The following TEX11 variants were observed in gnomAD, a reference collection of about 807,000 sequenced individuals.
TEX11 encodes the protein testis-expressed protein 11.
A neutral mutation model predicts 84.4 loss-of-function variants in TEX11; 7 were observed. The observed-to-expected ratio is 0.08, with a 90% confidence interval of 0.05 to 0.16. TEX11 has a LOEUF of 0.16. Among genes scored for constraint, TEX11 ranks in the 10% least tolerant of loss-of-function variants. TEX11 has a pLI of 1.00. For missense variants in TEX11, 551 were observed against 660.5 expected, an observed-to-expected ratio of 0.83 and a Z score of 1.82; for synonymous variants, 264 against 222.8, an observed-to-expected ratio of 1.18 and a Z score of -1.64.
intron 9 of TEX11, among the ~76,000 whole-genome samples, chrX:70,782,418 C>A (rs923776393): frequency 2.7e-5 from 3 of 110,131 alleles, no homozygotes; most frequent in Non-Finnish European, 5.7e-5. Context: ...AATTAACGGG[C>A]AAACTAACCA....
intron 17 of TEX11, among the ~76,000 whole-genome samples, chrX:70,650,101 A>G (rs957996097): frequency 9.8e-5 from 11 of 111,933 alleles, no homozygotes; most frequent in Admixed American, 6.7e-4. Context: ...AGACAAAACT[A>G]TAGAGATAGA....
intron 17 of TEX11, among the ~76,000 whole-genome samples, chrX:70,646,532 A>G (rs1407620047): frequency 8.9e-6 from 1 of 112,355 alleles, no homozygotes; most frequent in Admixed American, 9.4e-5. Context: ...TTCAATAGGA[A>G]GGAAACAAAT....
At chrX:70,885,327 TAG>T (rs1303954997) in intron 2 of TEX11, among the ~76,000 whole-genome samples, 1 of 111,621 alleles carries the variant, frequency 9.0e-6, no homozygotes, top group African/African-American at 3.3e-5. Flanking sequence ...CCCTAATAAA[TAG>T]AGTTATATAA....
At chrX:70,520,586 C>T in the TEX11 span, among the ~76,000 whole-genome samples, 1 of 112,683 alleles carries the variant, frequency 8.9e-6, no homozygotes, top group Admixed American at 9.4e-5. Flanking sequence ...AGTTAGGCTA[C>T]ATGGGGCTCA....
intron 25 of TEX11, among the ~76,000 whole-genome samples, chrX:70,584,208 G>A (rs1446409439): frequency 7.4e-5 from 8 of 107,880 alleles, no homozygotes; most frequent in African/African-American, 1.0e-4. Context: ...GCGTGAACCC[G>A]GGAAGCGGAA....
intron 17 of TEX11, among the ~76,000 whole-genome samples, chrX:70,644,338 T>G (rs1265957509): frequency 2.9e-3 from 309 of 104,781 alleles, no homozygotes; most frequent in African/African-American, 0.01. Context: ...TGTAAACTAG[T>G]TCAACCATTG....
At chrX:70,779,159 G>A (rs185268964) in intron 9 of TEX11, among the ~76,000 whole-genome samples, 104 of 111,481 alleles carry the variant, frequency 9.3e-4, no homozygotes, top group Middle Eastern at 4.6e-3. Flanking sequence ...GCTCACGCCT[G>A]TAATCCCAGC....
intron 2 of TEX11, among the ~76,000 whole-genome samples, chrX:70,897,201 AT>A (rs1191869090): frequency 6.7e-5 from 2 of 29,876 alleles, no homozygotes; most frequent in African/African-American, 1.2e-4. Flanking sequence ...TATGTTATAT[AT>A]TATATATATA....
intron 25 of TEX11, among the ~76,000 whole-genome samples, chrX:70,574,026 C>T (rs776961832): frequency 5.5e-4 from 61 of 111,758 alleles, no homozygotes; most frequent in African/African-American, 1.9e-3. Context: ...TGGAGATAAG[C>T]GAAATTCTTC....
intron 13 of TEX11, among the ~76,000 whole-genome samples, chrX:70,712,148 T>C (rs1316159172): frequency 9.0e-6 from 1 of 111,584 alleles, no homozygotes; most frequent in Non-Finnish European, 1.9e-5. Flanking sequence ...CATTGGTCTG[T>C]ATCTCTGTTT....
intron 20 of TEX11, among the ~76,000 whole-genome samples, chrX:70,621,520 CAAAAAAAAAAAAAA>C (rs1159445117): frequency 1.3e-4 from 2 of 14,937 alleles, no homozygotes; most frequent in African/African-American, 3.9e-4. Context: ...AACTCGGTCT[CAAAAAAAAAAAAAA>C]AAAAAAAAAA....
intron 13 of TEX11, among the ~76,000 whole-genome samples, chrX:70,699,686 C>T (rs778931259): frequency 4.5e-5 from 5 of 111,585 alleles, no homozygotes; most frequent in South Asian, 3.8e-4. Context: ...AGAAAACAAA[C>T]GATAAAAGCC....
chrX:70,733,489 G>A (rs1247863794), intron 11 of TEX11, among the ~76,000 whole-genome samples: 1 of 111,432 alleles, frequency 9.0e-6, no homozygotes, highest in Non-Finnish European at 1.9e-5. Flanking sequence ...ACAAGTTGGT[G>A]AAGGATATGA....
intron 28 of TEX11, among the ~76,000 whole-genome samples, chrX:70,547,677 A>G (rs2088150385): frequency 8.9e-6 from 1 of 112,445 alleles, no homozygotes; most frequent in African/African-American, 3.2e-5. Flanking sequence ...AATGCTCATC[A>G]TCACTGGCCA....
chrX:70,646,443 T>C (rs1452224542), intron 17 of TEX11, among the ~76,000 whole-genome samples: 1 of 111,889 alleles, frequency 8.9e-6, no homozygotes, highest in Non-Finnish European at 1.9e-5. Context: ...AGACACAATG[T>C]ATGGAATGGG....
At chrX:70,833,446 T>C in intron 8 of TEX11, 67 bp downstream of exon 8, 1 of 902,019 alleles carries the variant, frequency 1.1e-6, no homozygotes, top group Admixed American at 2.3e-5. Flanking sequence ...CATGAAGTAG[T>C]AATGATTCTT....
At chrX:70,629,562 C>T in intron 18 of TEX11, 49 bp downstream of exon 18, 2 of 1,176,804 alleles carry the variant, frequency 1.7e-6, no homozygotes, top group Non-Finnish European at 2.3e-6. Context: ...AATTGTCTTT[C>T]AAAAAGGAAA....
Position 70,558,331 on chromosome X carries a change from C to T in TEX11, c.2141-3531G>A, listed in dbSNP as rs955576923. ...ACCATCCAATGAGGGAAAGGATAGT[C>T]TTTTAATCAAATAGTTCTGGGACAA... On this transcript the variant is annotated intron_variant, in intron 25 of 29. Transcript: ENST00000374333. 7.2e-5 allele frequency among the ~76,000 whole-genome samples: 8 copies of T among 111,322 alleles called. No individual in the cohort carries two copies. In the East Asian group the frequency reaches 2.0e-3, roughly 27 times the overall value.
chrX:70,868,797 T>C (rs2091612719), intron 4 of TEX11, among the ~76,000 whole-genome samples: 1 of 110,029 alleles, frequency 9.1e-6, no homozygotes, highest in Admixed American at 9.9e-5. Flanking sequence ...AAACACTAAA[T>C]GTTCTCACTC....
Sources: gnomAD v4.1 joint callset for allele counts (sites outside exome capture counted in the v4.1 genomes callset) on GRCh38, gnomAD v4.1.1 for gene constraint, MANE v1.5 for transcripts, NCBI Gene and HGNC (gene_info 2026-07-23, HGNC 2026-07-21) for gene names.